The following C1RL variants were observed in gnomAD, a reference collection of about 807,000 sequenced individuals.
C1RL encodes the protein complement C1r subcomponent like, also known as complement C1r subcomponent-like protein.
Under a neutral mutation model 27.9 loss-of-function variants are expected in C1RL, and 27 were observed. That is an observed-to-expected ratio of 0.97 (90% confidence interval 0.71 to 1.33). The LOEUF is 1.33. Among genes scored for constraint, C1RL ranks in the 40% most tolerant of loss-of-function variants. The probability of loss-of-function intolerance (pLI) is 0.00; values close to 1 mark genes in which losing one functional copy is unlikely to be tolerated. For synonymous variants in C1RL, 248 were observed against 252.1 expected (o/e 0.98, Z 0.15); for missense variants, 563 against 623.9 (o/e 0.90, Z 1.04).
At chr12:7,108,797 C>T in intron 1 of C1RL, 1 of 551,974 alleles carries the variant, frequency 1.8e-6, no homozygotes, top group South Asian at 2.2e-5. Flanking sequence ...CAGATCCCAC[C>T]CCACCCTGGG....
chr12:7,099,277 GAATTTTATCTCAAT>G (rs1938543928), intron 5 of C1RL: 1 of 145,732 alleles, frequency 6.9e-6, no homozygotes, highest in Admixed American at 7.2e-5. Context: ...GCCCAGCCAT[GAATTTTATCTCAAT>G]AATTTTTTTT....
At chr12:7,097,344 G>A (rs973892994) in intron 5 of C1RL, 181 bp from the exon 6 acceptor site, 2 of 573,572 alleles carry the variant, frequency 3.5e-6, no homozygotes, top group Non-Finnish European at 5.9e-6. Context: ...GCGTACTTGC[G>A]CGATCTCGGC....
chr12:7,101,359 C>G (rs1464337361), intron 3 of C1RL, among the ~76,000 whole-genome samples: 1 of 151,446 alleles, frequency 6.6e-6, no homozygotes, highest in Non-Finnish European at 1.5e-5. Context: ...CAGCCTCAAA[C>G]TCCCTGGCTC....
rs142888355 is a variant in C1RL at position 7,105,166 on chromosome 12, GCA to G, written c.301-3081_301-3080del. ...CCTGACAGTTGGGAGGCCCCCAGTG[GCA>G]CATCTAGGTCACCTTGTCGATAACC... On this transcript the variant is annotated intron_variant, in intron 2 of 5. Coordinates refer to ENST00000266542, the MANE Select transcript of C1RL (RefSeq NM_016546.4). Among the ~76,000 whole-genome samples, 849 of 152,262 alleles carry G rather than the reference GCA, an allele frequency of 5.6e-3. 6 individuals are homozygous for G. The highest frequency in any genetic ancestry group is 0.018 in the African/African-American group (762 of 41,540).
Position 7,096,280 on chromosome 12 carries a change from T to TGGGCCCCCC in C1RL, c.*110_*111insGGGGGGCCC. 7 of 992,702 alleles carry TGGGCCCCCC rather than the reference T, an allele frequency of 7.1e-6. No homozygotes were observed. Among genetic ancestry groups the TGGGCCCCCC allele is most frequent in the Non-Finnish European group, 7.2e-6 (6 of 832,210 alleles). 61.5% of individuals were successfully genotyped at this position (992,702 alleles called of 1,614,324 possible). On this transcript the variant is annotated 3_prime_UTR_variant, in exon 6 of 6. Transcript: ENST00000266542. ...GTGATGTGAATAGGATTTCCCTGCC[T>TGGGCCCCCC]CCCCCAACCCCCCACCCCCAACCCC...
chr12:7,103,760 G>GGT (rs369265618), intron 2 of C1RL, among the ~76,000 whole-genome samples: 2 of 151,872 alleles, frequency 1.3e-5, no homozygotes, highest in South Asian at 4.2e-4. Flanking sequence ...GCCTTTGAGG[G>GGT]GTGTGTGTGT....
intron 2 of C1RL, among the ~76,000 whole-genome samples, chr12:7,107,385 G>T (rs1938796962): frequency 6.6e-6 from 1 of 152,050 alleles, no homozygotes; most frequent in East Asian, 1.9e-4. Flanking sequence ...GCCCAGGCTG[G>T]TCTCAAATTC....
chr12:7,108,550 G>C (rs745890228), intron 1 of C1RL, 71 bp from the exon 2 acceptor site: 108 of 1,294,098 alleles, frequency 8.3e-5, no homozygotes, highest in Non-Finnish European at 1.0e-4. Flanking sequence ...TGGGAGGAGC[G>C]GGGGAGCCGC....
At chr12:7,108,982 TGTGTGTGG>T (rs1938858640) in intron 1 of C1RL, 120 bp downstream of exon 1, 6 of 154,596 alleles carry the variant, frequency 3.9e-5, no homozygotes, top group East Asian at 3.4e-4. Context: ...TGTGTGTGTG[TGTGTGTGG>T]GGGGGGGGGG....
At position 7,095,155 on chromosome 12, in the gene C1RL, C is replaced by A; in HGVS notation, c.*1236G>T. The A allele has an allele frequency of 8.1e-7, 1 of 1,228,016 alleles. No homozygotes were observed. The highest frequency in any genetic ancestry group is 1.0e-6 in the Non-Finnish European group (1 of 959,006). The allele number at this position is 1,228,016 out of a possible 1,614,324, so 76.1% of individuals were successfully genotyped here. A position where few individuals can be genotyped will look rare whatever the true frequency, so the allele number is the denominator to read the frequency against. On this transcript the variant is annotated 3_prime_UTR_variant, in exon 6 of 6. Transcript: ENST00000266542. ...TGGGGGGGATGAAGTCTTGGTCTGT[C>A]CGCAGGCTGGAGTGCAGTGGCGTGA... is the stretch of plus-strand genomic sequence containing the variant.
intron 2 of C1RL, 72 bp downstream of exon 2, chr12:7,108,179 C>T: frequency 4.7e-6 from 6 of 1,266,694 alleles, no homozygotes; most frequent in Non-Finnish European, 6.5e-6. Flanking sequence ...ATTCAGGGCA[C>T]CGCCACTTCC....
At chr12:7,098,611 A>G (rs1472944806) in intron 5 of C1RL, among the ~76,000 whole-genome samples, 1 of 152,266 alleles carries the variant, frequency 6.6e-6, no homozygotes, top group South Asian at 2.1e-4. Context: ...ATCCATAGAA[A>G]GGAGTATTAT....
intron 2 of C1RL, among the ~76,000 whole-genome samples, chr12:7,102,729 A>G (rs1405855021): frequency 6.6e-6 from 1 of 152,132 alleles, no homozygotes; most frequent in Non-Finnish European, 1.5e-5. Flanking sequence ...AATGTATGAA[A>G]ACCTAAGGAC....
Position 7,108,418 on chromosome 12 carries a change from C to T in C1RL, c.133G>A (p.Ala45Thr), listed in dbSNP as rs986820054. The T allele has an allele frequency of 1.2e-6, 2 of 1,613,194 alleles. No homozygotes were observed. Among genetic ancestry groups the T allele is most frequent in the African/African-American group, 2.7e-5 (2 of 74,930 alleles). The change falls in exon 2 of 6, where the codon GCC becomes ACC. Residue 45 changes from alanine to threonine, a missense_variant. By Grantham distance (58) the Ala-to-Thr change is moderately conservative. Coordinates refer to ENST00000266542, the MANE Select transcript of C1RL (RefSeq NM_016546.4). Reference sequence around the variant, plus strand: ...GTCAGCTGCTGGGGTAGCTCTTGGGCCAAGAGGACGGAGCCCCGGGTTGGG... The same window carrying T: ...GTCAGCTGCTGGGGTAGCTCTTGGGTCAAGAGGACGGAGCCCCGGGTTGGG... ...ACPTRGSVLL[A>T]QELPQQLTSP...
Position 7,102,019 on chromosome 12 carries a change from A to G in C1RL, c.369T>C (p.Pro123=). The change falls in exon 3 of 6, where the codon CCT becomes CCC. Residue 123 remains proline, a synonymous_variant. Transcript: ENST00000266542. ...GQQGSPLGRP[P]GQREFVSSGR... Reference sequence around the variant, plus strand: ...CTGAGGATACAAACTCCCTCTGACCAGGGGGCCTGCCCAGAGGGGAGCCTT... The same window carrying G: ...CTGAGGATACAAACTCCCTCTGACCGGGGGGCCTGCCCAGAGGGGAGCCTT... The G allele has an allele frequency of 6.2e-7, 1 of 1,614,214 alleles. No homozygotes were observed. Among genetic ancestry groups the G allele is most frequent in the Non-Finnish European group, 8.5e-7 (1 of 1,180,012 alleles).
intron 2 of C1RL, among the ~76,000 whole-genome samples, chr12:7,106,245 TATC>T (rs750984731): frequency 1.9e-4 from 29 of 152,134 alleles, no homozygotes; most frequent in Admixed American, 1.8e-3. Flanking sequence ...TAGAAGACAA[TATC>T]ATCAAAATTC....
Position 7,096,407 on chromosome 12 carries a change from A to G in C1RL, c.1448T>C (p.Met483Thr), listed in dbSNP as rs778515387. Reference protein sequence around the residue: ...LSYVDWIKGVMNGKN With the variant: ...LSYVDWIKGVTNGKN ...CCCCCAGGGTCAATTCTTGCCATTC[A>G]TCACTCCCTTGATCCAGTCCACATA... Residue 483 changes from methionine to threonine, a missense_variant, in exon 6 of 6, where the codon ATG becomes ACG. Transcript: ENST00000266542. 14 of 1,606,856 alleles carry G rather than the reference A, an allele frequency of 8.7e-6. No homozygotes were observed. The Admixed American group carries it at 2.4e-4, about 27-fold the overall frequency.
At position 7,094,562 on chromosome 12, in the gene C1RL, T is replaced by C; in HGVS notation, c.*1829A>G. ...AGACATACACATATAAATATAGGTA[T>C]ATATATATTTTTTTGCCTTGGCAGG... On this transcript the variant is annotated 3_prime_UTR_variant, in exon 6 of 6. Transcript: ENST00000266542. The C allele has an allele frequency of 1.8e-6, 1 of 561,680 alleles. No individual in the cohort carries two copies. The highest frequency in any genetic ancestry group is 9.1e-4 in the Middle Eastern group (1 of 1,098). The allele number at this position is 561,680 out of a possible 1,614,324, so 34.8% of individuals were successfully genotyped here. A position where few individuals can be genotyped will look rare whatever the true frequency, so the allele number is the denominator to read the frequency against.
intron 3 of C1RL, among the ~76,000 whole-genome samples, chr12:7,100,511 T>A (rs1938585935): frequency 2.0e-5 from 3 of 152,164 alleles, no homozygotes; most frequent in Admixed American, 2.0e-4. Flanking sequence ...AATAATGAGT[T>A]CGCCAGGTGC....
Sources: allele counts gnomAD v4.1 joint callset (sites outside exome capture counted in the v4.1 genomes callset), GRCh38; gene constraint gnomAD v4.1.1; transcripts MANE v1.5; gene names NCBI Gene and HGNC (gene_info 2026-07-23, HGNC 2026-07-21).